Variants in SERINC5 observed in about 807,000 individuals in gnomAD.
SERINC5 encodes chromosome 5 open reading frame 12.
In SERINC5, 41 loss-of-function variants were observed where a neutral mutation model predicts 63.1. The observed-to-expected ratio is 0.65, with a 90% CI of 0.51 to 0.84. SERINC5 has a LOEUF of 0.84. SERINC5 is among the 40% of genes least tolerant of loss of function. The probability of loss-of-function intolerance (pLI) is 0.00; values close to 1 mark genes in which losing one functional copy is unlikely to be tolerated. For missense variants in SERINC5, 523 were observed against 573.0 expected, an observed-to-expected ratio of 0.91 and a Z score of 0.89; for synonymous variants, 222 against 215.2, an observed-to-expected ratio of 1.03 and a Z score of -0.28.
chr5:80,195,010 G>T (rs1749411634), intron 2 of SERINC5, among the ~76,000 whole-genome samples: 1 of 152,154 alleles, frequency 6.6e-6, no homozygotes, highest in Non-Finnish European at 1.5e-5. Flanking sequence ...CAATGGGCCA[G>T]GTGTGGTGGC....
In SERINC5 at chr5:80,237,872, A is replaced by T. The variant is rs1751769184; in HGVS notation, c.27+18024T>A. Among the ~76,000 whole-genome samples, 6 of 152,116 alleles carry T rather than the reference A, an allele frequency of 3.9e-5. No individual in the cohort carries two copies. In the South Asian group the frequency reaches 1.2e-3, roughly 32 times the overall value. ...TAATCCCAGCACTTTGGGGAGGCCA[A>T]GGCGGGTGGATCACGAGGTCAAGAG... On this transcript the variant is annotated intron_variant, in intron 1 of 11. Transcript: ENST00000507668.
At chr5:80,241,463 G>A (rs1038753260) in intron 1 of SERINC5, among the ~76,000 whole-genome samples, 5 of 152,008 alleles carry the variant, frequency 3.3e-5, no homozygotes, top group African/African-American at 4.8e-5. Context: ...GCAAGACTCC[G>A]TCTCAAATAA....
chr5:80,246,480 C>T (rs1411893199), intron 1 of SERINC5, among the ~76,000 whole-genome samples: 7 of 152,148 alleles, frequency 4.6e-5, no homozygotes. Context: ...GTTTTGACTA[C>T]ACAGTTTTCA....
At chr5:80,146,266 G>A in intron 10 of SERINC5, 32 bp from the exon 11 acceptor site, 2 of 1,612,440 alleles carry the variant, frequency 1.2e-6, no homozygotes, top group Non-Finnish European at 1.7e-6. Context: ...CAGGCTCAAT[G>A]AGTGAATGTG....
At chr5:80,248,628 A>C (rs573050288) in intron 1 of SERINC5, among the ~76,000 whole-genome samples, 1 of 152,350 alleles carries the variant, frequency 6.6e-6, no homozygotes, top group East Asian at 1.9e-4. Context: ...CACCACCTTG[A>C]CAGAACAATT....
At chr5:80,178,783 C>T (rs560033069) in intron 2 of SERINC5, among the ~76,000 whole-genome samples, 21 of 102,446 alleles carry the variant, frequency 2.0e-4, no homozygotes, top group South Asian at 1.6e-3. Context: ...CAAAATGTCA[C>T]TCCTCTCCCT....
intron 9 of SERINC5, among the ~76,000 whole-genome samples, chr5:80,149,509 C>T (rs1023549480): frequency 7.2e-5 from 11 of 152,142 alleles, no homozygotes; most frequent in South Asian, 2.1e-4. Context: ...TTTCCATCCA[C>T]GGAAAGCTAT....
At chr5:80,177,204 A>G (rs550715511) in intron 4 of SERINC5, 111 bp downstream of exon 4, 1 of 744,622 alleles carries the variant, frequency 1.3e-6, no homozygotes, top group East Asian at 2.6e-5. Context: ...TTGAAGCCAA[A>G]AGAAAATCAG....
chr5:80,220,539 G>C (rs1750855209), intron 1 of SERINC5, among the ~76,000 whole-genome samples: 1 of 152,154 alleles, frequency 6.6e-6, no homozygotes, highest in African/African-American at 2.4e-5. Flanking sequence ...ACTGGGCAAA[G>C]AAGGCTCCTT....
chr5:80,203,257 C>CATATATATATAT (rs35653111), intron 1 of SERINC5: 138 of 257,616 alleles, frequency 5.4e-4, no homozygotes, highest in African/African-American at 2.8e-3. Context: ...TATATATACA[C>CATATATATATAT]ATATATATAT....
At chr5:80,194,711 T>A (rs1257953380) in intron 2 of SERINC5, among the ~76,000 whole-genome samples, 2 of 152,150 alleles carry the variant, frequency 1.3e-5, no homozygotes, top group African/African-American at 4.8e-5. Flanking sequence ...AAAGTAATAC[T>A]TCTTACCACT....
intron 1 of SERINC5, among the ~76,000 whole-genome samples, chr5:80,233,810 T>C (rs1751564356): frequency 7.3e-6 from 1 of 137,188 alleles, no homozygotes; most frequent in African/African-American, 2.8e-5. Flanking sequence ...TTTTACTTTT[T>C]TTTTTTTTTT....
At position 80,202,955 on chromosome 5, in the gene SERINC5, G is replaced by A; in HGVS notation, c.126C>T (p.Tyr42=). The A allele has an allele frequency of 6.2e-7, 1 of 1,613,812 alleles. No homozygotes were observed. Among genetic ancestry groups the A allele is most frequent in the Non-Finnish European group, 8.5e-7 (1 of 1,179,752 alleles). The change falls in exon 2 of 12, where the codon TAC becomes TAT. Residue 42 remains tyrosine, a synonymous_variant. Transcript: ENST00000507668. ...SLSTRFMYAL[Y]FILVVVLCCI... The stretch of plus-strand genomic sequence containing the variant: ...AGCAGAGGACGACGACCAGAATGAA[G>A]TAGAGGGCGTACATGAAGCGGGTGC...
intron 2 of SERINC5, among the ~76,000 whole-genome samples, chr5:80,202,298 G>C (rs1385930594): frequency 1.3e-5 from 2 of 151,852 alleles, no homozygotes; most frequent in Non-Finnish European, 2.9e-5. Flanking sequence ...AGGACAGAAG[G>C]GTACAAGAAA....
At chr5:80,196,756 T>C (rs935129423) in intron 2 of SERINC5, among the ~76,000 whole-genome samples, 1 of 152,032 alleles carries the variant, frequency 6.6e-6, no homozygotes, top group Non-Finnish European at 1.5e-5. Context: ...CTAGCCAACA[T>C]GGTGAAACCC....
At chr5:80,213,188 G>T (rs1384732687) in intron 1 of SERINC5, among the ~76,000 whole-genome samples, 2 of 146,902 alleles carry the variant, frequency 1.4e-5, no homozygotes, top group African/African-American at 5.1e-5. Context: ...GGAGGTTGCA[G>T]TGAGCAGAGA....
intron 1 of SERINC5, among the ~76,000 whole-genome samples, chr5:80,248,296 C>A (rs189255043): frequency 6.6e-6 from 1 of 152,272 alleles, no homozygotes; most frequent in Admixed American, 6.5e-5. Flanking sequence ...GTGACTTGAA[C>A]GACTTGAACA....
intron 5 of SERINC5, among the ~76,000 whole-genome samples, chr5:80,174,707 G>A (rs1004304827): frequency 3.3e-5 from 5 of 152,050 alleles, no homozygotes; most frequent in African/African-American, 1.2e-4. Flanking sequence ...ATCGAGACCC[G>A]TACGAGCAGG....
intron 2 of SERINC5, among the ~76,000 whole-genome samples, chr5:80,191,258 C>T (rs1345036701): frequency 1.3e-5 from 2 of 150,990 alleles, no homozygotes; most frequent in African/African-American, 2.4e-5. Context: ...CTGGAACAGT[C>T]GTTCTACTTC....
Sources: allele counts gnomAD v4.1 joint callset (sites outside exome capture counted in the v4.1 genomes callset), GRCh38; gene constraint gnomAD v4.1.1; transcripts MANE v1.5; gene names NCBI Gene and HGNC (gene_info 2026-07-23, HGNC 2026-07-21).